The following ZBED6 variants were observed in gnomAD, a reference collection of about 807,000 sequenced individuals.
The protein encoded by ZBED6 is zinc finger BED-type containing 6.
Under a neutral mutation model 58.4 loss-of-function variants are expected in ZBED6, and 40 were observed. The ratio of observed to expected loss-of-function variants is 0.68; its 90% confidence interval spans 0.53 to 0.89. The LOEUF (loss-of-function observed/expected upper bound fraction) is 0.89, where lower values mean the gene tolerates loss of function less well. Among genes scored for constraint, ZBED6 ranks in the 40% least tolerant of loss-of-function variants. The pLI is 0.00. For missense variants in ZBED6, 1,057 were observed against 1,003.9 expected, an observed-to-expected ratio of 1.05 and a Z score of -0.71; for synonymous variants, 439 against 350.6, an observed-to-expected ratio of 1.25 and a Z score of -2.82.
chr1:203,844,581 T>G (rs1572337436), intron 11 of ZBED6, among the ~76,000 whole-genome samples: 2 of 152,208 alleles, frequency 1.3e-5, no homozygotes, highest in Non-Finnish European at 2.9e-5. Context: ...AATATTGTTG[T>G]TTTTCCATAG....
At chr1:203,847,710 A>C (rs1688260863) in intron 12 of ZBED6, 23 bp downstream of exon 12, 1 of 1,603,108 alleles carries the variant, frequency 6.2e-7, no homozygotes, top group African/African-American at 1.3e-5. Flanking sequence ...CTTGGTCTCT[A>C]GTACCACGTC....
intron 7 of ZBED6, 146 bp downstream of exon 7, chr1:203,830,349 G>T: frequency 1.5e-6 from 1 of 684,074 alleles, no homozygotes; most frequent in Non-Finnish European, 2.5e-6. Context: ...TTTAAATTGT[G>T]GTTGCTTTTA....
intron 8 of ZBED6, among the ~76,000 whole-genome samples, chr1:203,832,400 G>A (rs1307193573): frequency 2.0e-5 from 3 of 150,750 alleles, no homozygotes; most frequent in Non-Finnish European, 3.0e-5. Context: ...TTGCTCTGTC[G>A]CCCAGGCTAA....
At chr1:203,818,486 T>C (rs1677128203) in intron 2 of ZBED6, 84 bp from the exon 3 acceptor site, 1 of 1,581,586 alleles carries the variant, frequency 6.3e-7, no homozygotes, top group Admixed American at 1.7e-5. Flanking sequence ...TGTGCTTGTC[T>C]AAATTCCAGG....
chr1:203,834,033 T>A (rs1347069498), intron 9 of ZBED6, 180 bp downstream of exon 9: 1 of 1,268,794 alleles, frequency 7.9e-7, no homozygotes, highest in East Asian at 3.1e-5. Context: ...ATACAGAGAT[T>A]TAAAGTGTTA....
chr1:203,798,762 A>G (rs755082101), exon 1 of ZBED6: 21 of 1,536,194 alleles, frequency 1.4e-5, no homozygotes, highest in South Asian at 7.1e-5. Flanking sequence ...AAGTCAGGCA[A>G]TTATCCAAAT....
At chr1:203,831,795 G>A in intron 8 of ZBED6, 24 bp downstream of exon 8, 1 of 1,575,634 alleles carries the variant, frequency 6.3e-7, no homozygotes, top group Non-Finnish European at 8.7e-7. Context: ...AGGTCTTAGA[G>A]TTGTCAAGCC....
In ZBED6 at chr1:203,799,073, C is replaced by T. The variant is rs758254040; in HGVS notation, c.1551C>T (p.Pro517=). 134 of 1,535,938 alleles carry T rather than the reference C, an allele frequency of 8.7e-5. 1 individual carries two copies. The highest frequency in any genetic ancestry group is 1.6e-4 in the Admixed American group (8 of 50,964). The change falls in exon 1 of 17, where the codon CCC becomes CCT. Residue 517 remains proline, a synonymous_variant. Transcript: ENST00000550078. ...CTTTTCTCAATAATGGCAGGATCCC[C>T]GATTTTAGAAAGTGGGCAGTGCTTT...
intron 11 of ZBED6, among the ~76,000 whole-genome samples, chr1:203,845,108 C>T (rs1438916218): frequency 6.6e-6 from 1 of 152,084 alleles, no homozygotes; most frequent in African/African-American, 2.4e-5. Context: ...ACAGAACTCA[C>T]GCCTATGGTT....
At chr1:203,801,076 A>G (rs951248130) in exon 1 of ZBED6, 3 of 152,234 alleles carry the variant, frequency 2.0e-5, no homozygotes. Context: ...TTAGGAAAAT[A>G]TACTTTTAGT....
At chr1:203,839,334 GCC>G (rs1414638226) in intron 10 of ZBED6, among the ~76,000 whole-genome samples, 23 of 152,288 alleles carry the variant, frequency 1.5e-4, no homozygotes, top group Non-Finnish European at 2.4e-4. Context: ...GCACTATTGC[GCC>G]CCTCAGGGAA....
chr1:203,842,291 C>T (rs1014784323), intron 11 of ZBED6, among the ~76,000 whole-genome samples: 1 of 152,216 alleles, frequency 6.6e-6, no homozygotes, highest in South Asian at 2.1e-4. Context: ...CACGCCACTG[C>T]ACTCCAGCCT....
chr1:203,845,151 C>G (rs1687543126), intron 11 of ZBED6, among the ~76,000 whole-genome samples: 2 of 152,204 alleles, frequency 1.3e-5, no homozygotes, highest in Admixed American at 1.3e-4. Flanking sequence ...TCTGTAAATT[C>G]AGACATCTGC....
At chr1:203,838,871 T>A (rs1685177464) in intron 10 of ZBED6, among the ~76,000 whole-genome samples, 1 of 147,678 alleles carries the variant, frequency 6.8e-6, no homozygotes, top group Admixed American at 6.9e-5. Context: ...GAGAATTGTG[T>A]GAACCTGGAA....
chr1:203,804,191 G>A (rs1441701729), intron 1 of ZBED6, among the ~76,000 whole-genome samples: 6 of 137,028 alleles, frequency 4.4e-5, no homozygotes, highest in African/African-American at 8.2e-5. Context: ...TCGCTCTGTC[G>A]CCCAGGCTGG....
chr1:203,848,953 C>T (rs945746901), intron 13 of ZBED6, among the ~76,000 whole-genome samples: 1 of 152,234 alleles, frequency 6.6e-6, no homozygotes, highest in South Asian at 2.1e-4. Context: ...GGCATGATCT[C>T]GGTTCACTGC....
chr1:203,829,572 A>G, exon 5 of ZBED6: 1 of 1,614,160 alleles, frequency 6.2e-7, no homozygotes, highest in Non-Finnish European at 8.5e-7. Context: ...GCGTTATGAA[A>G]GTAGAAAGTT....
intron 9 of ZBED6, among the ~76,000 whole-genome samples, chr1:203,837,360 A>T (rs1049398466): frequency 1.7e-4 from 26 of 151,668 alleles, no homozygotes; most frequent in Non-Finnish European, 3.4e-4. Context: ...TTTAATCTCA[A>T]CCAGGGTTTA....
At chr1:203,825,154 G>A (rs184863235) in intron 3 of ZBED6, among the ~76,000 whole-genome samples, 65 of 151,522 alleles carry the variant, frequency 4.3e-4, no homozygotes, top group Admixed American at 1.6e-3. Flanking sequence ...TTTGTCTTGC[G>A]TTTCATATTA....
Sources: allele counts gnomAD v4.1 joint callset (sites outside exome capture counted in the v4.1 genomes callset), GRCh38; gene constraint gnomAD v4.1.1; transcripts MANE v1.5; gene names NCBI Gene and HGNC (gene_info 2026-07-23, HGNC 2026-07-21).